The following UNC13A variants were observed in gnomAD, a reference collection of about 807,000 sequenced individuals.
UNC13A encodes unc-13 homolog A, also known as protein unc-13 homolog A.
Under a neutral mutation model 219.7 loss-of-function variants are expected in UNC13A, and 61 were observed. The observed-to-expected ratio is 0.28, with a 90% confidence interval of 0.23 to 0.34. UNC13A has a LOEUF of 0.34. UNC13A is among the 10% of genes least tolerant of loss of function. The probability of loss-of-function intolerance (pLI) is 1.00; values close to 1 mark genes in which losing one functional copy is unlikely to be tolerated. For synonymous variants in UNC13A, 920 were observed against 884.6 expected (o/e 1.04, Z -0.71); for missense variants, 1,476 against 2,270.3 (o/e 0.65, Z 7.11).
At chr19:17,640,088 G>A (rs1024725481) in intron 22 of UNC13A, among the ~76,000 whole-genome samples, 180 bp from the exon 23 acceptor site, 18 of 151,830 alleles carry the variant, frequency 1.2e-4, no homozygotes, top group Non-Finnish European at 2.6e-4. Flanking sequence ...AGGCTGGAGT[G>A]TAGTGGCGCA....
At chr19:17,618,286 C>T in intron 40 of UNC13A, 135 bp downstream of exon 40, 1 of 986,482 alleles carries the variant, frequency 1.0e-6, no homozygotes, top group Non-Finnish European at 1.5e-6. Flanking sequence ...CCAGCTCTGG[C>T]ACAGACAGGG....
chr19:17,667,385 C>T (rs1284430736), intron 6 of UNC13A, among the ~76,000 whole-genome samples: 1 of 152,184 alleles, frequency 6.6e-6, no homozygotes, highest in Non-Finnish European at 1.5e-5. Context: ...CATGGAATTC[C>T]AGACCTTAGC....
chr19:17,686,911 G>A (rs118034636), intron 1 of UNC13A, among the ~76,000 whole-genome samples: 3,708 of 152,102 alleles, frequency 0.024, 55 homozygotes, highest in African/African-American at 0.038. Flanking sequence ...TTCAGCACAC[G>A]CACGCTTCCT....
At chr19:17,620,644 G>C (rs548410510) in intron 38 of UNC13A, 49 bp downstream of exon 38, 4 of 1,568,292 alleles carry the variant, frequency 2.6e-6, no homozygotes, top group East Asian at 2.3e-5. Flanking sequence ...GGGGTGGGGT[G>C]GGGGGGAGTG....
At chr19:17,623,224 C>T (rs1382966329) in intron 36 of UNC13A, 7 of 371,200 alleles carry the variant, frequency 1.9e-5, no homozygotes, top group African/African-American at 2.1e-5. Context: ...CATCTGGGCA[C>T]GGGAGCAAGG....
rs115019056 is a variant in UNC13A at position 17,668,273 on chromosome 19, C to T, written c.395-83G>A. 1,177 of 1,380,412 alleles carry T rather than the reference C, an allele frequency of 8.5e-4. 7 individuals carry two copies. The African/African-American group carries it at 0.014, about 16-fold the overall frequency. 85.5% of individuals were successfully genotyped at this position (1,380,412 alleles called of 1,614,324 possible). On this transcript the variant is annotated intron_variant, in intron 5 of 43. Transcript: ENST00000519716. ...TCCTCCAGGCCTACTGAGCTCCACC[C>T]GGGCCCTGGCTTCTGGGGTCTTTGG... is the stretch of plus-strand genomic sequence containing the variant.
intron 1 of UNC13A, among the ~76,000 whole-genome samples, chr19:17,682,177 C>T (rs903347581): frequency 6.6e-6 from 1 of 152,254 alleles, no homozygotes; most frequent in East Asian, 1.9e-4. Context: ...TGGTCTTGAA[C>T]TCCTGAGCTC....
rs1456017003 is a variant in UNC13A, at chr19:17,639,847, A to G, written c.2849T>C (p.Met950Thr). 1 of 1,613,750 alleles carries G rather than the reference A, an allele frequency of 6.2e-7. No individual in the cohort carries two copies. Among genetic ancestry groups the G allele is most frequent in the Admixed American group, 1.7e-5 (1 of 60,016 alleles). ...LHNSLRIDLS[M>T]YRNNFPASSP... is the part of the protein sequence containing the mutation. The stretch of plus-strand genomic sequence containing the variant: ...CATGCACACACTTCCTACCCGGTAC[A>G]TGGAGAGGTCAATCCGCAGGGAGTT... The change falls in exon 23 of 44, where the codon ATG becomes ACG. Residue 950 changes from methionine to threonine, a missense_variant. Transcript: ENST00000519716.
At position 17,647,438 on chromosome 19, in the gene UNC13A, A is replaced by C; in HGVS notation, c.1871T>G (p.Ile624Ser). 6.2e-7 allele frequency: 1 copy of C among 1,613,624 alleles called. No individual in the cohort carries two copies. The highest frequency in any genetic ancestry group is 8.5e-7 in the Non-Finnish European group (1 of 1,179,800). The change falls in exon 17 of 44, where the codon ATC becomes AGC. Residue 624 changes from isoleucine to serine, a missense_variant. Around this residue, in one of 14 missense-constraint regions of UNC13A, gnomAD observed 85 missense variants for 211.5 expected, o/e 0.40. Transcript: ENST00000519716. Reference sequence around the variant, plus strand: ...CTTCATGCGGTCCTTGAGCACCATGATGATGTTCTGTGTCCGGTCCTCCGC... The same window carrying C: ...CTTCATGCGGTCCTTGAGCACCATGCTGATGTTCTGTGTCCGGTCCTCCGC... Reference protein sequence around the residue: ...HGAEDRTQNIIMVLKDRMKIR... With the variant: ...HGAEDRTQNISMVLKDRMKIR...
chr19:17,685,559 CATCTATAT>C (rs1259107644), intron 1 of UNC13A, among the ~76,000 whole-genome samples: 4 of 152,184 alleles, frequency 2.6e-5, no homozygotes, highest in African/African-American at 2.4e-5. Context: ...CACGTGGATA[CATCTATAT>C]GCGTGCTGGC....
At chr19:17,687,934 C>T (rs113227343) in intron 1 of UNC13A, among the ~76,000 whole-genome samples, 3 of 142,518 alleles carry the variant, frequency 2.1e-5, no homozygotes, top group African/African-American at 7.4e-5. Context: ...CACGGGCCTC[C>T]GCGTTCAGCC....
In UNC13A at chr19:17,674,066, C is replaced by A. The variant is rs563628721; in HGVS notation, c.152+591G>T. Among the ~76,000 whole-genome samples, 3 of 152,156 alleles carry A rather than the reference C, an allele frequency of 2.0e-5. No individual in the cohort carries two copies. The highest frequency in any genetic ancestry group is 4.4e-5 in the Non-Finnish European group (3 of 68,032). On this transcript the variant is annotated intron_variant, in intron 3 of 43. Transcript: ENST00000519716. The surrounding 1 kb of genome is among the most constrained non-coding windows in gnomAD (Gnocchi z 5.0). Reference sequence around the variant, plus strand: ...GGCAAGGCCTGGGAAGGCATGATGCCCTGAAATTGTAGCTTGGAGGTAGTG... The same window carrying A: ...GGCAAGGCCTGGGAAGGCATGATGCACTGAAATTGTAGCTTGGAGGTAGTG...
intron 1 of UNC13A, among the ~76,000 whole-genome samples, chr19:17,679,293 G>A (rs924924460): frequency 5.9e-5 from 9 of 152,038 alleles, no homozygotes; most frequent in African/African-American, 1.7e-4. Context: ...CCAGCTACTC[G>A]GGAGGCTGAG....
In UNC13A at chr19:17,627,516, C is replaced by A; in HGVS notation, c.3913G>T (p.Ala1305Ser). ...NVLDELSRVF[A>S]TSFQPHIEEC... The stretch of plus-strand genomic sequence containing the variant: ...CCCTGGAGATGCTCCCACCTGGTAG[C>A]AAACACCCGGCTGAGCTCATCCAAG... The change falls in exon 33 of 44, where the codon GCT becomes TCT. Residue 1305 changes from alanine (A) to serine (S), a missense_variant. Physicochemically the swap from Ala to Ser is moderately conservative, Grantham distance 99. Transcript: ENST00000519716. This position sits in a 1 kb window ranked among gnomAD's most constrained non-coding sequence, Gnocchi z 4.7. 1 of 1,558,916 alleles carries A rather than the reference C, an allele frequency of 6.4e-7. No individual in the cohort carries two copies.
At chr19:17,666,319 T>C (rs1394061060) in intron 7 of UNC13A, among the ~76,000 whole-genome samples, 1 of 151,932 alleles carries the variant, frequency 6.6e-6, no homozygotes, top group Non-Finnish European at 1.5e-5. Context: ...TTCAAGCAAT[T>C]CTCCTGCCTC....
chr19:17,641,303 T>G (rs985931776), intron 21 of UNC13A, 90 bp downstream of exon 21: 1 of 1,517,842 alleles, frequency 6.6e-7, no homozygotes, highest in African/African-American at 1.4e-5. Context: ...TCTCTGGGTC[T>G]TCCCCCTGAG....
At chr19:17,615,174 A>C (rs1346608753) in intron 41 of UNC13A, among the ~76,000 whole-genome samples, 1 of 152,204 alleles carries the variant, frequency 6.6e-6, no homozygotes, top group African/African-American at 2.4e-5. Context: ...GGGGCAGTTA[A>C]AGAAATCTGT....
chr19:17,606,417 C>G lies in UNC13A; in HGVS notation c.4812-63G>C, dbSNP rs969714878. On this transcript the variant is annotated intron_variant, in intron 43 of 43. Coordinates refer to ENST00000519716, the MANE Select transcript of UNC13A (RefSeq NM_001080421.3). ...CTACTGTGATGCCCCGCCCACGGCCCCGTCCCCACCGCATTTGCGGGCCAC... is the reference window on the plus strand; with the variant it reads ...CTACTGTGATGCCCCGCCCACGGCCGCGTCCCCACCGCATTTGCGGGCCAC... The G allele has an allele frequency of 4.0e-6, 6 of 1,510,916 alleles. No homozygotes were observed. The African/African-American group carries it at 8.3e-5, about 21-fold the overall frequency. The allele number at this position is 1,510,916 out of a possible 1,614,324, so 93.6% of individuals were successfully genotyped here.
At chr19:17,631,701 G>A (rs74253229) in intron 28 of UNC13A, among the ~76,000 whole-genome samples, 3 of 152,252 alleles carry the variant, frequency 2.0e-5, no homozygotes, top group African/African-American at 7.2e-5. Flanking sequence ...GGGAGTCACC[G>A]TGGGCAAGGA....
Sources: gnomAD v4.1 joint callset for allele counts (sites outside exome capture counted in the v4.1 genomes callset) on GRCh38, gnomAD v4.1.1 for gene constraint, gnomAD v4.1.1 regional missense constraint, Gnocchi (gnomAD v3.1) non-coding constraint, MANE v1.5 for transcripts, NCBI Gene and HGNC (gene_info 2026-07-23, HGNC 2026-07-21) for gene names.